The following FGD6 variants were observed in gnomAD, a reference collection of about 807,000 sequenced individuals.
The protein encoded by FGD6 is FYVE, RhoGEF and PH domain-containing protein 6.
In FGD6, 90 loss-of-function variants were observed where a neutral mutation model predicts 149.4. That is an observed-to-expected ratio of 0.60 (90% CI 0.51 to 0.72). The LOEUF (loss-of-function observed/expected upper bound fraction) is 0.72, where lower values mean the gene tolerates loss of function less well. Ranked by LOEUF, FGD6 falls within the 30% of genes least tolerant of loss-of-function variation. FGD6 has a pLI of 0.00. For missense variants in FGD6, 1,437 were observed against 1,684.8 expected (o/e 0.85, Z 2.57); for synonymous variants, 527 against 584.0 (o/e 0.90, Z 1.41).
At chr12:95,177,691 A>C (rs2136286248) in intron 2 of FGD6, among the ~76,000 whole-genome samples, 1 of 152,254 alleles carries the variant, frequency 6.6e-6, no homozygotes, top group Non-Finnish European at 1.5e-5. Context: ...AGGGGAAAAA[A>C]ACTACCATTA....
intron 2 of FGD6, among the ~76,000 whole-genome samples, chr12:95,173,596 AG>A (rs764725161): frequency 3.9e-5 from 6 of 152,188 alleles, no homozygotes; most frequent in Non-Finnish European, 5.9e-5. Flanking sequence ...GGAATTCCAT[AG>A]GAAAGTTCCC....
intron 20 of FGD6, among the ~76,000 whole-genome samples, chr12:95,083,739 T>C (rs1162542981): frequency 3.3e-5 from 5 of 152,202 alleles, no homozygotes; most frequent in African/African-American, 1.2e-4. Flanking sequence ...CTTTGCTCAC[T>C]CAAAGCATTC....
intron 2 of FGD6, 44 bp from the exon 3 acceptor site, chr12:95,172,788 G>T: frequency 4.7e-6 from 7 of 1,488,210 alleles, no homozygotes; most frequent in Non-Finnish European, 5.4e-6. Flanking sequence ...TCAATAATAA[G>T]AAGTGCTAGC....
intron 5 of FGD6, among the ~76,000 whole-genome samples, chr12:95,150,177 G>A (rs1880264295): frequency 6.6e-6 from 1 of 151,666 alleles, no homozygotes; most frequent in Admixed American, 6.6e-5. Flanking sequence ...ACAGACATGT[G>A]CCACCACGCC....
At position 95,091,710 on chromosome 12, in the gene FGD6, A is replaced by G; in HGVS notation, c.3847T>C (p.Leu1283=). The part of the protein sequence containing the change: ...CEHCFQELQK[L]DHQHSPRIGS... The stretch of plus-strand genomic sequence containing the variant: ...TAAATCCTTACTTATATATTACCTA[A>G]TTTCTGCAGTTCTTGGAAACAATGT... Residue 1283 remains leucine (L), a synonymous_variant, in exon 17 of 21, where the codon TTA becomes CTA. Transcript: ENST00000343958. 7 of 1,611,348 alleles carry G rather than the reference A, an allele frequency of 4.3e-6. No individual in the cohort carries two copies. Among genetic ancestry groups the G allele is most frequent in the Non-Finnish European group, 5.9e-6 (7 of 1,178,864 alleles).
At chr12:95,169,032 G>A (rs989831741) in intron 3 of FGD6, among the ~76,000 whole-genome samples, 1 of 152,218 alleles carries the variant, frequency 6.6e-6, no homozygotes, top group African/African-American at 2.4e-5. Context: ...TGTCTCAGAT[G>A]AAGAGACAGA....
rs1382101312 is a variant in FGD6, at chr12:95,168,003, AC to A, written c.2586+4596del. Among the ~76,000 whole-genome samples, 10 of 152,278 alleles carry A rather than the reference AC, an allele frequency of 6.6e-5. No homozygotes were observed. In the East Asian group the frequency reaches 1.7e-3, roughly 26 times the overall value. ...CAGGTGGATATCCAGTGATTCCAGCACCATTTATATGTTGACAACCTGATTT... is the reference window on the plus strand; with the variant it reads ...CAGGTGGATATCCAGTGATTCCAGCACATTTATATGTTGACAACCTGATTT... On this transcript the variant is annotated intron_variant, in intron 3 of 20. Coordinates refer to ENST00000343958, the MANE Select transcript of FGD6 (RefSeq NM_018351.4).
chr12:95,146,048 T>C (rs140149724), intron 5 of FGD6, among the ~76,000 whole-genome samples: 4 of 152,254 alleles, frequency 2.6e-5, no homozygotes, highest in African/African-American at 9.6e-5. Context: ...CACTGAATAA[T>C]TGGGCTCCAC....
chr12:95,137,756 T>G (rs1049419702), intron 6 of FGD6, 78 bp from the exon 7 acceptor site: 74 of 988,474 alleles, frequency 7.5e-5, no homozygotes, highest in Admixed American at 6.0e-4. Context: ...AGAGTCCACA[T>G]CTAAGCCGCC....
At chr12:95,137,486 AAAGAG>A (rs1291385421) in intron 7 of FGD6, 31 bp downstream of exon 7, 22 of 1,439,088 alleles carry the variant, frequency 1.5e-5, no homozygotes, top group Non-Finnish European at 2.0e-5. Flanking sequence ...CAACAAAAAG[AAAGAG>A]AAGTGTTCAA....
chr12:95,141,429 G>A lies in FGD6; in HGVS notation c.2796C>T (p.Asn932=), dbSNP rs773477306. 6.2e-7 allele frequency: 1 copy of A among 1,614,072 alleles called. No homozygotes were observed. The highest frequency in any genetic ancestry group is 8.5e-7 in the Non-Finnish European group (1 of 1,180,004). The part of the protein sequence containing the change: ...LYYLPQLYEL[N]RDLLKELEER... ...CCTCCAGTTCCTTCAAGAGATCCCG[G>A]TTGAGCTCATACAGCTGAGGCAAGT... is the stretch of plus-strand genomic sequence containing the variant. Residue 932 remains asparagine (N), a synonymous_variant, in exon 6 of 21, where the codon AAC becomes AAT. Transcript: ENST00000343958.
intron 1 of FGD6, among the ~76,000 whole-genome samples, chr12:95,214,511 GA>G (rs1231745403): frequency 5.1e-4 from 78 of 152,162 alleles, no homozygotes; most frequent in Admixed American, 4.3e-3. Context: ...ACTCCAATGT[GA>G]AATAAGTGCA....
chr12:95,207,536 C>T (rs1188625864), intron 2 of FGD6, among the ~76,000 whole-genome samples: 1 of 152,124 alleles, frequency 6.6e-6, no homozygotes, highest in African/African-American at 2.4e-5. Flanking sequence ...CACAAACAAA[C>T]ATTAGAAATA....
rs559867076 is a variant in FGD6 at position 95,078,324 on chromosome 12, A to G, written c.*3196T>C. ...TACATTTGACTAAAGTGGATTTCAAACTTTTCAAAAGCTGAGCACAATGGA... is the reference window on the plus strand; with the variant it reads ...TACATTTGACTAAAGTGGATTTCAAGCTTTTCAAAAGCTGAGCACAATGGA... On this transcript the variant is annotated 3_prime_UTR_variant, in exon 21 of 21. Coordinates refer to ENST00000343958, the MANE Select transcript of FGD6 (RefSeq NM_018351.4). 6.6e-6 allele frequency: 1 copy of G among 152,364 alleles called. No homozygotes were observed. Among genetic ancestry groups the G allele is most frequent in the South Asian group, 2.1e-4 (1 of 4,832 alleles). 9.4% of individuals were successfully genotyped at this position (152,364 alleles called of 1,614,324 possible).
chr12:95,158,837 C>T (rs1408194685), intron 3 of FGD6, among the ~76,000 whole-genome samples: 1 of 151,360 alleles, frequency 6.6e-6, no homozygotes, highest in Non-Finnish European at 1.5e-5. Context: ...GTCTGGGCAA[C>T]ATAATGAGAC....
intron 2 of FGD6, among the ~76,000 whole-genome samples, chr12:95,180,903 T>C (rs142138763): frequency 9.9e-4 from 151 of 152,240 alleles, no homozygotes; most frequent in African/African-American, 3.5e-3. Context: ...CCCAGGATGA[T>C]GAGATTAAAG....
chr12:95,191,574 G>C (rs1391646428), intron 2 of FGD6, among the ~76,000 whole-genome samples: 2 of 152,208 alleles, frequency 1.3e-5, no homozygotes, highest in Non-Finnish European at 2.9e-5. Context: ...GGATACAAAG[G>C]TGTTGTAATC....
Position 95,084,601 on chromosome 12 carries a change from T to A in FGD6, c.4153A>T (p.Ile1385Phe). The A allele has an allele frequency of 6.2e-7, 1 of 1,607,226 alleles. No homozygotes were observed. Among genetic ancestry groups the A allele is most frequent in the East Asian group, 2.2e-5 (1 of 44,534 alleles). The change falls in exon 20 of 21, where the codon ATT becomes TTT. Residue 1385 changes from isoleucine (I) to phenylalanine (F), a missense_variant. By Grantham distance (21) the Ile-to-Phe change is conservative. This residue lies in a region of FGD6 where 382 missense variants were observed against 538.7 expected (regional missense o/e 0.71). Transcript: ENST00000343958. The stretch of plus-strand genomic sequence containing the variant: ...TCGGAATTCTCATCTTTAACTTGAA[T>A]AACAGTGAATCCTAATAAAGGCTGA... ...ESQPLLGFTVIQVKDENSESK... is the reference protein window; with the variant it reads ...ESQPLLGFTVFQVKDENSESK...
chr12:95,162,671 A>G (rs532985901), intron 3 of FGD6, among the ~76,000 whole-genome samples: 55 of 152,324 alleles, frequency 3.6e-4, no homozygotes, highest in African/African-American at 1.3e-3. Context: ...ATAATCAGGC[A>G]GAGGTGTGTC....
Sources: gnomAD v4.1 joint callset for allele counts (sites outside exome capture counted in the v4.1 genomes callset) on GRCh38, gnomAD v4.1.1 for gene constraint, gnomAD v4.1.1 regional missense constraint, MANE v1.5 for transcripts, NCBI Gene and HGNC (gene_info 2026-07-23, HGNC 2026-07-21) for gene names.